The following FAM220A variants were observed in gnomAD, a reference collection of about 807,000 sequenced individuals.
The protein encoded by FAM220A is protein FAM220A.
For synonymous variants in FAM220A, 141 were observed against 130.7 expected, an observed-to-expected ratio of 1.08 and a Z score of -0.54; for missense variants, 392 against 321.6, an observed-to-expected ratio of 1.22 and a Z score of -1.68.
intron 1 of FAM220A, 93 bp downstream of exon 1, chr7:6,348,480 T>C: frequency 2.4e-6 from 1 of 408,816 alleles, no homozygotes; most frequent in Non-Finnish European, 4.3e-6. Flanking sequence ...ACACTCAGCT[T>C]CTAGGCAGTG....
Position 6,348,845 on chromosome 7 carries a change from G to A in FAM220A, c.-354C>T, listed in dbSNP as rs1304161232. On this transcript the variant is annotated 5_prime_UTR_variant, in exon 1 of 2. Transcript: ENST00000313324. ...GCTGACCCTCGCCTGGCGTGCTCAG[G>A]GAGCGAAGGAGGCGGCGGCTAGACC... 2.3e-5 allele frequency: 9 copies of A among 392,502 alleles called. No homozygotes were observed. Among genetic ancestry groups the A allele is most frequent in the South Asian group, 2.7e-4 (2 of 7,296 alleles). The allele number at this position is 392,502 out of a possible 1,614,324, so 24.3% of individuals were successfully genotyped here. A position where few individuals can be genotyped will look rare whatever the true frequency, so the allele number is the denominator to read the frequency against.
intron 1 of FAM220A, among the ~76,000 whole-genome samples, chr7:6,335,372 G>A (rs1030775773): frequency 1.2e-4 from 18 of 151,946 alleles, no homozygotes; most frequent in East Asian, 7.8e-4. Flanking sequence ...ACAAGCGCCC[G>A]CCACCACGCC....
At position 6,330,976 on chromosome 7, in the gene FAM220A, G is replaced by A; in HGVS notation, c.179C>T (p.Ala60Val). ...ATCCTTTCTCATTTCCAGTGATAAT[G>A]CCTCACTTTGTGAATTTCCATCAAC... is the stretch of plus-strand genomic sequence containing the variant. ...PVVDGNSQSE[A>V]LSLEMRKDPS... Residue 60 changes from alanine to valine, a missense_variant, in exon 2 of 2, where the codon GCA becomes GTA. By Grantham distance (64) the Ala-to-Val change is moderately conservative. Coordinates refer to ENST00000313324, the MANE Select transcript of FAM220A (RefSeq NM_001037163.2). The A allele has an allele frequency of 6.2e-7, 1 of 1,614,222 alleles. No homozygotes were observed. The highest frequency in any genetic ancestry group is 8.5e-7 in the Non-Finnish European group (1 of 1,180,052).
chr7:6,342,332 C>G (rs1781876588), intron 1 of FAM220A, among the ~76,000 whole-genome samples: 1 of 151,850 alleles, frequency 6.6e-6, no homozygotes, highest in African/African-American at 2.4e-5. Context: ...ATCTCTTGAG[C>G]CCAGGAGCTG....
chr7:6,346,803 A>G (rs1386539110), intron 1 of FAM220A, among the ~76,000 whole-genome samples: 1 of 152,158 alleles, frequency 6.6e-6, no homozygotes, highest in African/African-American at 2.4e-5. Flanking sequence ...TGATATGGCC[A>G]AACCGACGTT....
chr7:6,344,083 C>T (rs1014178161), intron 1 of FAM220A, among the ~76,000 whole-genome samples: 1 of 151,310 alleles, frequency 6.6e-6, no homozygotes, highest in Admixed American at 6.6e-5. Context: ...TGGTGTCTCA[C>T]TATGTTGCCC....
chr7:6,331,711 C>T (rs946129399), intron 1 of FAM220A, among the ~76,000 whole-genome samples: 1 of 151,454 alleles, frequency 6.6e-6, no homozygotes. Context: ...CTTAGTTCCC[C>T]ACCCTCAAAT....
In FAM220A at chr7:6,343,397, C is replaced by CAT. The variant is rs10529573; in HGVS notation, c.-82+5174_-82+5175dup. On this transcript the variant is annotated intron_variant, in intron 1 of 1. Coordinates refer to ENST00000313324, the MANE Select transcript of FAM220A (RefSeq NM_001037163.2). ...CGTCTCAAAAAAATAATAATAATTT[C>CAT]ATATATATATATATATATATATATA... Among the ~76,000 whole-genome samples, 223 of 86,924 alleles carry CAT rather than the reference C, an allele frequency of 2.6e-3. 3 individuals carry two copies. Among genetic ancestry groups the CAT allele is most frequent in the Middle Eastern group, 7.6e-3 (1 of 132 alleles). 57.0% of individuals were successfully genotyped at this position (86,924 alleles called of 152,430 possible).
intron 1 of FAM220A, among the ~76,000 whole-genome samples, chr7:6,345,729 CAA>C (rs1470156183): frequency 1.3e-5 from 2 of 151,902 alleles, no homozygotes; most frequent in African/African-American, 4.8e-5. Flanking sequence ...GTTTTGCCCT[CAA>C]AGTTTCTTTT....
Position 6,330,806 on chromosome 7 carries a change from C to T in FAM220A, c.349G>A (p.Val117Met). 6.2e-7 allele frequency: 1 copy of T among 1,614,206 alleles called. No individual in the cohort carries two copies. The highest frequency in any genetic ancestry group is 1.3e-5 in the African/African-American group (1 of 75,066). ...FPAPTECFAR[V>M]SCSGVEALGR... ...AGAGCTTCAACACCACTGCAGGACA[C>T]CCGAGCAAAACACTCTGTTGGAGCA... The change falls in exon 2 of 2, where the codon GTG becomes ATG. Residue 117 changes from valine (V) to methionine (M), a missense_variant. Physicochemically the swap from Val to Met is conservative, Grantham distance 21 (BLOSUM62 1). Coordinates refer to ENST00000313324, the MANE Select transcript of FAM220A (RefSeq NM_001037163.2).
chr7:6,332,143 T>G (rs1407031880), intron 1 of FAM220A, among the ~76,000 whole-genome samples: 1 of 151,198 alleles, frequency 6.6e-6, no homozygotes, highest in Non-Finnish European at 1.5e-5. Flanking sequence ...GCGAAAAGGC[T>G]TTGAAATGAA....
chr7:6,347,871 T>C (rs1781982994), intron 1 of FAM220A, among the ~76,000 whole-genome samples: 1 of 139,602 alleles, frequency 7.2e-6, no homozygotes, highest in African/African-American at 2.7e-5. Context: ...CTGGGCAACA[T>C]AACGAGACCC....
intron 1 of FAM220A, among the ~76,000 whole-genome samples, chr7:6,340,172 A>G (rs1302198017): frequency 6.6e-6 from 1 of 152,096 alleles, no homozygotes; most frequent in African/African-American, 2.4e-5. Context: ...GGCATGAGCT[A>G]CCGCGCCCGG....
In FAM220A at chr7:6,331,099, C is replaced by G. The variant is rs769285357; in HGVS notation, c.56G>C (p.Gly19Ala). ...TGATAGTTTGTCCGAGTCACCTCCT[C>G]CGGCCTGCTGCACTTGTGCCAGGCA... is the stretch of plus-strand genomic sequence containing the variant. ...GTCLAQVQQAGGGDSDKLSCS... is the reference protein window; with the variant it reads ...GTCLAQVQQAAGGDSDKLSCS... The change falls in exon 2 of 2, where the codon GGA (glycine) becomes GCA (alanine). Residue 19 changes from glycine (G) to alanine (A), a missense_variant. Physicochemically the swap from Gly to Ala is moderately conservative, Grantham distance 60. Coordinates refer to ENST00000313324, the MANE Select transcript of FAM220A (RefSeq NM_001037163.2). 11 of 1,613,404 alleles carry G rather than the reference C, an allele frequency of 6.8e-6. No individual in the cohort carries two copies. Among genetic ancestry groups the G allele is most frequent in the Non-Finnish European group, 9.3e-6 (11 of 1,180,038 alleles).
In FAM220A at chr7:6,329,740, C is replaced by T. The variant is rs1448493279; in HGVS notation, c.*635G>A. ...GTAACTGAGCTACTTTTTTCTCGAG[C>T]TCATTTTTGTTTAAGGTAACACTGC... On this transcript the variant is annotated 3_prime_UTR_variant, in exon 2 of 2. Coordinates refer to ENST00000313324, the MANE Select transcript of FAM220A (RefSeq NM_001037163.2). The T allele has an allele frequency of 6.0e-6, 1 of 166,162 alleles. No individual in the cohort carries two copies. The highest frequency in any genetic ancestry group is 2.4e-5 in the African/African-American group (1 of 41,294). 10.3% of individuals were successfully genotyped at this position (166,162 alleles called of 1,614,324 possible).
At chr7:6,337,264 T>G (rs1020165353) in intron 1 of FAM220A, among the ~76,000 whole-genome samples, 2 of 152,046 alleles carry the variant, frequency 1.3e-5, no homozygotes, top group Non-Finnish European at 2.9e-5. Context: ...TTCTCCCCTT[T>G]GGGACTAGCC....
chr7:6,340,402 T>G (rs1296879402), intron 1 of FAM220A, among the ~76,000 whole-genome samples: 2 of 152,096 alleles, frequency 1.3e-5, no homozygotes, highest in Non-Finnish European at 2.9e-5. Flanking sequence ...ACTGCATGTG[T>G]GTACAGACAC....
At chr7:6,333,389 C>A (rs1226784343) in intron 1 of FAM220A, among the ~76,000 whole-genome samples, 1 of 152,038 alleles carries the variant, frequency 6.6e-6, no homozygotes, top group Non-Finnish European at 1.5e-5. Context: ...GATGGACAGA[C>A]TGCAAATGGT....
At chr7:6,342,533 T>C (rs1055505606) in intron 1 of FAM220A, among the ~76,000 whole-genome samples, 4 of 151,170 alleles carry the variant, frequency 2.6e-5, no homozygotes, top group Non-Finnish European at 5.9e-5. Flanking sequence ...AGCGAGACTC[T>C]GTCTCAAAAA....
Sources: gnomAD v4.1 joint callset for allele counts (sites outside exome capture counted in the v4.1 genomes callset) on GRCh38, gnomAD v4.1.1 for gene constraint, MANE v1.5 for transcripts, NCBI Gene and HGNC (gene_info 2026-07-23, HGNC 2026-07-21) for gene names.